AP4S1: variants seen among roughly 807,000 people sequenced by gnomAD.
AP4S1 encodes the protein AP-4 complex subunit sigma-1.
In AP4S1, 23 loss-of-function variants were observed where a neutral mutation model predicts 19.8. That is an observed-to-expected ratio of 1.16 (90% CI 0.84 to 1.65). The LOEUF (loss-of-function observed/expected upper bound fraction) is 1.65, where lower values mean the gene tolerates loss of function less well. AP4S1 is among the 40% of genes most tolerant of loss of function. AP4S1 has a pLI of 0.00. For synonymous variants in AP4S1, 46 were observed against 54.1 expected, an observed-to-expected ratio of 0.85 and a Z score of 0.66; for missense variants, 166 against 172.8, an observed-to-expected ratio of 0.96 and a Z score of 0.22.
At chr14:31,036,872 G>T (rs1884805946) in intron 1 of AP4S1, among the ~76,000 whole-genome samples, 1 of 151,992 alleles carries the variant, frequency 6.6e-6, no homozygotes, top group Non-Finnish European at 1.5e-5. Context: ...GGAGTGCAGT[G>T]GTGCAATCTC....
At chr14:31,059,954 T>C (rs1886328285) in intron 1 of AP4S1, among the ~76,000 whole-genome samples, 1 of 136,626 alleles carries the variant, frequency 7.3e-6, no homozygotes, top group East Asian at 2.0e-4. Context: ...TATTTATTTA[T>C]TTATGTATAT....
chr14:31,067,818 C>A (rs1254703850), intron 2 of AP4S1, among the ~76,000 whole-genome samples: 1 of 151,788 alleles, frequency 6.6e-6, no homozygotes, highest in Non-Finnish European at 1.5e-5. Flanking sequence ...CGTGCCAGGC[C>A]AAAAACTGAG....
intron 5 of AP4S1, chr14:31,085,988 G>C (rs553981845): frequency 4.1e-6 from 1 of 246,752 alleles, no homozygotes; most frequent in African/African-American, 2.3e-5. Context: ...ATCTGCCATG[G>C]TGCTTCCTGG....
chr14:31,025,633 C>A (rs1883802802), upstream of AP4S1: 2 of 517,160 alleles, frequency 3.9e-6, no homozygotes, highest in Non-Finnish European at 6.9e-6. Flanking sequence ...TCCGGAGGAG[C>A]CCCCGCAGAC....
intron 5 of AP4S1, among the ~76,000 whole-genome samples, chr14:31,090,983 G>GT (rs1231233040): frequency 6.6e-6 from 1 of 152,240 alleles, no homozygotes; most frequent in Non-Finnish European, 1.5e-5. Flanking sequence ...AGCAACTCAT[G>GT]TTTCCAGGAT....
intron 1 of AP4S1, among the ~76,000 whole-genome samples, chr14:31,050,787 G>GT (rs1885744357): frequency 6.6e-6 from 1 of 152,022 alleles, no homozygotes; most frequent in Non-Finnish European, 1.5e-5. Context: ...TTTTTCATTA[G>GT]TCCGTTTTCT....
intron 1 of AP4S1, among the ~76,000 whole-genome samples, chr14:31,056,284 G>C (rs1366584294): frequency 6.6e-6 from 1 of 151,870 alleles, no homozygotes; most frequent in Non-Finnish European, 1.5e-5. Flanking sequence ...AAACTCTTGG[G>C]CTCAACCAAT....
chr14:31,065,008 T>C (rs1029457223), intron 1 of AP4S1, among the ~76,000 whole-genome samples: 1 of 152,090 alleles, frequency 6.6e-6, no homozygotes, highest in Non-Finnish European at 1.5e-5. Flanking sequence ...TGAGAATTGC[T>C]CAGCACAGCA....
intron 1 of AP4S1, among the ~76,000 whole-genome samples, chr14:31,027,489 C>A (rs1003107809): frequency 6.6e-6 from 1 of 152,082 alleles, no homozygotes; most frequent in Admixed American, 6.6e-5. Context: ...TTGTGAAACC[C>A]CATTTCTACT....
chr14:31,094,422 C>T lies in AP4S1; in HGVS notation c.*1387C>T, dbSNP rs1187830835. On this transcript the variant is annotated 3_prime_UTR_variant, in exon 6 of 6. Coordinates refer to ENST00000542754, the MANE Select transcript of AP4S1 (RefSeq NM_001128126.3). ...CAAGACCAGCCTGGGCAACATAGAC[C>T]TCATCTCTACAAAAAATGCAAAAAT... 1 of 147,578 alleles carries T rather than the reference C, an allele frequency of 6.8e-6. No individual in the cohort carries two copies. The highest frequency in any genetic ancestry group is 6.8e-5 in the Admixed American group (1 of 14,764). 9.1% of individuals were successfully genotyped at this position (147,578 alleles called of 1,614,324 possible). A position where few individuals can be genotyped will look rare whatever the true frequency, so the allele number is the denominator to read the frequency against.
At chr14:31,046,815 C>T (rs528515942) in intron 1 of AP4S1, among the ~76,000 whole-genome samples, 1 of 145,708 alleles carries the variant, frequency 6.9e-6, no homozygotes, top group South Asian at 2.1e-4. Context: ...CACTGCACTC[C>T]AGCCTGGGCA....
intron 1 of AP4S1, among the ~76,000 whole-genome samples, chr14:31,050,249 T>A (rs2139493711): frequency 6.6e-6 from 1 of 152,226 alleles, no homozygotes; most frequent in Middle Eastern, 3.4e-3. Context: ...GTAGAAACGG[T>A]TTCACCATGT....
Position 31,094,425 on chromosome 14 carries a change from A to T in AP4S1, c.*1390A>T, listed in dbSNP as rs2139132537. On this transcript the variant is annotated 3_prime_UTR_variant, in exon 6 of 6. Transcript: ENST00000542754. ...GACCAGCCTGGGCAACATAGACCTC[A>T]TCTCTACAAAAAATGCAAAAATCAG... The T allele has an allele frequency of 6.7e-6, 1 of 149,282 alleles. No homozygotes were observed. The highest frequency in any genetic ancestry group is 2.1e-4 in the South Asian group (1 of 4,702). The allele number at this position is 149,282 out of a possible 1,614,324, so 9.2% of individuals were successfully genotyped here.
At chr14:31,042,743 C>A (rs1287548020) in intron 1 of AP4S1, among the ~76,000 whole-genome samples, 2 of 152,092 alleles carry the variant, frequency 1.3e-5, no homozygotes, top group Non-Finnish European at 2.9e-5. Context: ...ATACAGTATC[C>A]TTTTCAGTAA....
Position 31,092,997 on chromosome 14 carries a change from G to T in AP4S1, c.397G>T (p.Ala133Ser). 5 of 1,548,658 alleles carry T rather than the reference G, an allele frequency of 3.2e-6. No individual in the cohort carries two copies. Among genetic ancestry groups the T allele is most frequent in the Non-Finnish European group, 4.4e-6 (5 of 1,146,596 alleles). The change falls in exon 6 of 6, where the codon GCC becomes TCC. Residue 133 changes from alanine to serine, a missense_variant. By Grantham distance (99) the Ala-to-Ser change is moderately conservative (BLOSUM62 1). Coordinates refer to ENST00000542754, the MANE Select transcript of AP4S1 (RefSeq NM_001128126.3). ...IVETNRARIL[A>S]PLLILDKMSE... The stretch of plus-strand genomic sequence containing the variant: ...GGAAACTAACAGGGCAAGAATTCTT[G>T]CCCCTCTACTAATTCTTGATAAGAT...
intron 1 of AP4S1, among the ~76,000 whole-genome samples, chr14:31,053,702 T>A (rs937431291): frequency 1.4e-5 from 2 of 140,908 alleles, no homozygotes; most frequent in Non-Finnish European, 3.0e-5. Flanking sequence ...TCTCAAGTGC[T>A]GGGATTGAAG....
chr14:31,085,744 A>T, intron 5 of AP4S1: 1 of 891,768 alleles, frequency 1.1e-6, no homozygotes, highest in Non-Finnish European at 1.3e-6. Flanking sequence ...CTGCACTCCA[A>T]TCTGGCAACA....
intron 1 of AP4S1, among the ~76,000 whole-genome samples, chr14:31,036,422 A>C (rs1370626275): frequency 6.6e-6 from 1 of 152,032 alleles, no homozygotes; most frequent in Non-Finnish European, 1.5e-5. Flanking sequence ...TTTTCTTGGC[A>C]AAAAAATGCT....
At chr14:31,069,257 C>T (rs1411541644) in intron 2 of AP4S1, among the ~76,000 whole-genome samples, 1 of 152,114 alleles carries the variant, frequency 6.6e-6, no homozygotes, top group Non-Finnish European at 1.5e-5. Flanking sequence ...GTTATTAATT[C>T]ATATGAAGCA....
Sources: allele counts gnomAD v4.1 joint callset (sites outside exome capture counted in the v4.1 genomes callset), GRCh38; gene constraint gnomAD v4.1.1; transcripts MANE v1.5; gene names NCBI Gene and HGNC (gene_info 2026-07-23, HGNC 2026-07-21).